Variants in MARCHF8 observed in about 807,000 individuals in gnomAD.
MARCHF8 encodes the protein E3 ubiquitin-protein ligase MARCHF8.
Under a neutral mutation model 51.6 loss-of-function variants are expected in MARCHF8, and 40 were observed. The ratio of observed to expected loss-of-function variants is 0.77; its 90% CI spans 0.60 to 1.01. The LOEUF (loss-of-function observed/expected upper bound fraction) is 1.01. Ranked by LOEUF, MARCHF8 falls within the 50% of genes least tolerant of loss-of-function variation. MARCHF8 has a pLI of 0.00. For synonymous variants in MARCHF8, 263 were observed against 280.3 expected (o/e 0.94, Z 0.62); for missense variants, 685 against 708.6 (o/e 0.97, Z 0.38).
rs1365295275 is a variant in MARCHF8, at chr10:45,547,169, CATAA to C, written c.-78-13884_-78-13881del. ...AATAAGTGGAAAATAAAATCCAAAG[CATAA>C]ATAATTTAAACAGATAAAGTATATG... On this transcript the variant is annotated intron_variant, in intron 1 of 6. Transcript: ENST00000319836. Among the ~76,000 whole-genome samples, 5 of 152,066 alleles carry C rather than the reference CATAA, an allele frequency of 3.3e-5. No individual in the cohort carries two copies. In the South Asian group the frequency reaches 8.3e-4, roughly 25 times the overall value.
intron 1 of MARCHF8, among the ~76,000 whole-genome samples, chr10:45,578,246 C>T (rs538455671): frequency 6.6e-6 from 1 of 152,144 alleles, no homozygotes; most frequent in East Asian, 1.9e-4. Flanking sequence ...GTGGGCCATA[C>T]AAAATGAGCC....
intron 2 of MARCHF8, among the ~76,000 whole-genome samples, chr10:45,498,763 G>A (rs12778980): frequency 0.062 from 9,407 of 152,222 alleles, 335 homozygotes; most frequent in Non-Finnish European, 0.067. Context: ...GGCGTGAGCC[G>A]CTGTGCCCAG....
chr10:45,478,897 TG>T (rs71515354), intron 3 of MARCHF8, among the ~76,000 whole-genome samples: 8,514 of 152,248 alleles, frequency 0.056, 287 homozygotes, highest in Non-Finnish European at 0.067. Flanking sequence ...GGTCCAGGAT[TG>T]GATGACTTCA....
rs965805102 is a variant in MARCHF8, at chr10:45,543,752, C to G, written c.-78-10463G>C. On this transcript the variant is annotated intron_variant, in intron 1 of 6. Transcript: ENST00000319836. ...GGCGGAGCTTGCAGTGAGCCAAGAT[C>G]GTGCCACTGCACTCCAGCCTGGGTG... Among the ~76,000 whole-genome samples, 6 of 133,066 alleles carry G rather than the reference C, an allele frequency of 4.5e-5. No homozygotes were observed. The East Asian group carries it at 1.4e-3, about 31-fold the overall frequency. 87.3% of individuals were successfully genotyped at this position (133,066 alleles called of 152,430 possible). A position where few individuals can be genotyped will look rare whatever the true frequency, so the allele number is the denominator to read the frequency against.
intron 2 of MARCHF8, among the ~76,000 whole-genome samples, chr10:45,513,632 T>A (rs561369825): frequency 8.5e-5 from 13 of 152,122 alleles, no homozygotes; most frequent in Non-Finnish European, 1.6e-4. Flanking sequence ...GCTATTTGCA[T>A]GTCCCCACAG....
chr10:45,560,960 A>G (rs1272525831), intron 1 of MARCHF8, among the ~76,000 whole-genome samples: 1 of 152,188 alleles, frequency 6.6e-6, no homozygotes, highest in African/African-American at 2.4e-5. Flanking sequence ...ATGCAAGGGA[A>G]ATAAGGCAAA....
At chr10:45,538,909 C>T (rs532179454), upstream of MARCHF8, among the ~76,000 whole-genome samples, 7 of 152,258 alleles carry the variant, frequency 4.6e-5, no homozygotes, top group African/African-American at 1.7e-4. Context: ...GACAGATCAA[C>T]GAGACAGAAA....
intron 1 of MARCHF8, among the ~76,000 whole-genome samples, chr10:45,544,199 G>T (rs1469067785): frequency 6.6e-6 from 1 of 152,036 alleles, no homozygotes; most frequent in African/African-American, 2.4e-5. Context: ...CACTAGAATG[G>T]CTCCAATCAA....
chr10:45,481,649 C>T (rs1005881934), intron 3 of MARCHF8, among the ~76,000 whole-genome samples: 2 of 152,168 alleles, frequency 1.3e-5, no homozygotes, highest in African/African-American at 4.8e-5. Flanking sequence ...ATGCCTTTCG[C>T]CTTCTGCCAT....
intron 1 of MARCHF8, among the ~76,000 whole-genome samples, chr10:45,572,117 TC>T: frequency 5.5e-5 from 6 of 109,316 alleles, no homozygotes; most frequent in Admixed American, 1.7e-4. Context: ...TTACCCCTTC[TC>T]TCTGTGTCCC....
intron 2 of MARCHF8, among the ~76,000 whole-genome samples, chr10:45,529,984 C>T (rs1227926783): frequency 6.6e-6 from 1 of 152,180 alleles, no homozygotes; most frequent in Non-Finnish European, 1.5e-5. Flanking sequence ...GATACCTGTA[C>T]TCAAATATTT....
intron 1 of MARCHF8, among the ~76,000 whole-genome samples, chr10:45,547,685 T>C (rs2044144381): frequency 6.6e-6 from 1 of 152,172 alleles, no homozygotes; most frequent in South Asian, 2.1e-4. Context: ...AAACATAATA[T>C]GTTCCTGTCT....
intron 1 of MARCHF8, among the ~76,000 whole-genome samples, chr10:45,547,599 C>T (rs915405843): frequency 9.9e-5 from 15 of 152,126 alleles, no homozygotes; most frequent in African/African-American, 3.1e-4. Context: ...TCAGGTGAAC[C>T]TAAAATATGT....
chr10:45,561,778 G>A (rs2044313138), intron 1 of MARCHF8, among the ~76,000 whole-genome samples: 1 of 150,564 alleles, frequency 6.6e-6, no homozygotes, highest in Non-Finnish European at 1.5e-5. Flanking sequence ...GCAGGTGCCT[G>A]TAGTTCCAGC....
In MARCHF8 at chr10:45,463,530, C is replaced by A; in HGVS notation, c.709G>T (p.Gly237Cys). The change falls in exon 5 of 8, where the codon GGC becomes TGC. Residue 237 changes from glycine to cysteine, a missense_variant. Gly to Cys is a radical substitution (Grantham distance 159, BLOSUM62 -3). Coordinates refer to ENST00000453424, the MANE Select transcript of MARCHF8 (RefSeq NM_001282866.2). ...TCTTCCAGCAGCAGGCCGGGCCTGC[C>A]CCCCTTGCCAGCTTCCACCTCTGAG... is the stretch of plus-strand genomic sequence containing the variant. ...TASEVEAGKG[G>C]RPGLLLEEKA... 2 of 1,550,640 alleles carry A rather than the reference C, an allele frequency of 1.3e-6. No individual in the cohort carries two copies. Among genetic ancestry groups the A allele is most frequent in the Non-Finnish European group, 8.7e-7 (1 of 1,147,006 alleles).
intron 1 of MARCHF8, among the ~76,000 whole-genome samples, chr10:45,587,695 A>G (rs1297450554): frequency 1.3e-5 from 2 of 152,012 alleles, no homozygotes; most frequent in African/African-American, 4.8e-5. Context: ...ATATAAAGTT[A>G]TAGATAAAGA....
chr10:45,478,495 T>G (rs931034784), intron 3 of MARCHF8, among the ~76,000 whole-genome samples: 1 of 143,554 alleles, frequency 7.0e-6, no homozygotes, highest in African/African-American at 2.6e-5. Flanking sequence ...GAAATCCAAG[T>G]AAAAACCAAA....
chr10:45,495,834 GA>G (rs1238458601), intron 2 of MARCHF8, among the ~76,000 whole-genome samples: 4 of 147,006 alleles, frequency 2.7e-5, no homozygotes, highest in Non-Finnish European at 6.0e-5. Context: ...GAAGAAAAGA[GA>G]AAAGAGAAAA....
exon 1 of MARCHF8, chr10:45,594,694 C>A (rs2044720370): frequency 1.3e-5 from 2 of 151,560 alleles, no homozygotes; most frequent in African/African-American, 4.8e-5. Flanking sequence ...GGGGCTCGGC[C>A]GCCCTTATTG....
Sources: gnomAD v4.1 joint callset for allele counts (sites outside exome capture counted in the v4.1 genomes callset) on GRCh38, gnomAD v4.1.1 for gene constraint, MANE v1.5 for transcripts, NCBI Gene and HGNC (gene_info 2026-07-23, HGNC 2026-07-21) for gene names.